The following TAOK3 variants were observed in gnomAD, a reference collection of about 807,000 sequenced individuals.
The protein encoded by TAOK3 is serine/threonine-protein kinase TAO3.
A neutral mutation model predicts 120.4 loss-of-function variants in TAOK3; 40 were observed. That is an observed-to-expected ratio of 0.33 (90% CI 0.26 to 0.43). TAOK3 has a LOEUF of 0.43. Among genes scored for constraint, TAOK3 ranks in the 20% least tolerant of loss-of-function variants. The probability of loss-of-function intolerance (pLI) is 1.00; values close to 1 mark genes in which losing one functional copy is unlikely to be tolerated. For synonymous variants in TAOK3, 355 were observed against 387.5 expected, an observed-to-expected ratio of 0.92 and a Z score of 0.99; for missense variants, 821 against 1,112.1, an observed-to-expected ratio of 0.74 and a Z score of 3.72.
chr12:118,352,706 T>C (rs892895633), intron 1 of TAOK3, among the ~76,000 whole-genome samples: 2 of 152,112 alleles, frequency 1.3e-5, no homozygotes, highest in Non-Finnish European at 2.9e-5. Context: ...CCAGGGTTAC[T>C]GATCTTATCT....
At position 118,288,932 on chromosome 12, in the gene TAOK3, A is replaced by AAAG. The variant is rs1445926067; in HGVS notation, c.-193-22174_-193-22173insCTT. ...CTCTATCTCAAAAAAAAAAAAAAAA[A>AAAG]AAAGAAAGAAAGAAAAAGAAAGATA... On this transcript the variant is annotated intron_variant, in intron 1 of 20. Transcript: ENST00000392533. 5.1e-4 allele frequency among the ~76,000 whole-genome samples: 76 copies of AAAG among 149,826 alleles called. No individual in the cohort carries two copies. In the East Asian group the frequency reaches 9.0e-3, roughly 18 times the overall value.
chr12:118,284,182 T>C (rs1439773752), intron 1 of TAOK3, among the ~76,000 whole-genome samples: 3 of 152,172 alleles, frequency 2.0e-5, no homozygotes, highest in African/African-American at 7.2e-5. Context: ...ATTTTCTACA[T>C]TGAACATGTA....
intron 1 of TAOK3, among the ~76,000 whole-genome samples, chr12:118,340,544 T>G (rs2141116353): frequency 6.6e-6 from 1 of 152,326 alleles, no homozygotes; most frequent in Admixed American, 6.5e-5. Context: ...TAAATCATTT[T>G]TATAAACCTC....
chr12:118,309,004 A>G (rs1216407870), intron 1 of TAOK3, among the ~76,000 whole-genome samples: 1 of 150,952 alleles, frequency 6.6e-6, no homozygotes, highest in Non-Finnish European at 1.5e-5. Context: ...TTAGTTCTTA[A>G]AACATTTTCT....
chr12:118,338,543 T>C (rs1432040663), intron 1 of TAOK3, among the ~76,000 whole-genome samples: 2 of 151,974 alleles, frequency 1.3e-5, no homozygotes, highest in African/African-American at 4.8e-5. Context: ...ATCCCAGCAC[T>C]TTGGGAGGCC....
intron 9 of TAOK3, among the ~76,000 whole-genome samples, chr12:118,219,770 CTTTTTTTTTT>C (rs35568926): frequency 1.7e-5 from 1 of 58,836 alleles, no homozygotes; most frequent in Non-Finnish European, 2.9e-5. Context: ...ACTTTTTTGG[CTTTTTTTTTT>C]TTTTTTTTTT....
At chr12:118,331,243 T>C (rs879697782) in intron 1 of TAOK3, among the ~76,000 whole-genome samples, 11 of 151,812 alleles carry the variant, frequency 7.2e-5, no homozygotes, top group Non-Finnish European at 8.8e-5. Flanking sequence ...CAGCATGGAG[T>C]CCCAGAAAAT....
chr12:118,212,818 A>G lies in TAOK3; in HGVS notation c.819+96T>C, dbSNP rs1476946557. ...ATGACAAGGCAGCACGTCCTAAACC[A>G]CTTTGTCATGATGAGCTGCCACAGG... On this transcript the variant is annotated intron_variant, in intron 11 of 20. Coordinates refer to ENST00000392533, the MANE Select transcript of TAOK3 (RefSeq NM_016281.4). 3 of 834,908 alleles carry G rather than the reference A, an allele frequency of 3.6e-6. No individual in the cohort carries two copies. The Admixed American group carries it at 8.2e-5, about 23-fold the overall frequency. 51.7% of individuals were successfully genotyped at this position (834,908 alleles called of 1,614,324 possible). A position where few individuals can be genotyped will look rare whatever the true frequency, so the allele number is the denominator to read the frequency against.
At chr12:118,210,458 T>G (rs1565951919) in intron 11 of TAOK3, among the ~76,000 whole-genome samples, 1 of 152,086 alleles carries the variant, frequency 6.6e-6, no homozygotes, top group Non-Finnish European at 1.5e-5. Context: ...AGTCAGTTGG[T>G]TTTTCCACCC....
chr12:118,229,550 T>G (rs1030402910), intron 9 of TAOK3, among the ~76,000 whole-genome samples: 9 of 152,186 alleles, frequency 5.9e-5, no homozygotes, highest in Non-Finnish European at 1.2e-4. Flanking sequence ...TTTAAAGTAG[T>G]AAAAGTTATG....
At chr12:118,166,463 G>A (rs928094308) in intron 17 of TAOK3, among the ~76,000 whole-genome samples, 1 of 151,792 alleles carries the variant, frequency 6.6e-6, no homozygotes, top group Non-Finnish European at 1.5e-5. Flanking sequence ...ACTTGAACTC[G>A]GGAGGCGGAG....
At chr12:118,335,793 C>T (rs1240579286) in intron 1 of TAOK3, among the ~76,000 whole-genome samples, 1 of 152,176 alleles carries the variant, frequency 6.6e-6, no homozygotes, top group Non-Finnish European at 1.5e-5. Context: ...GGTGCCACTG[C>T]ACTCCAGTCT....
At chr12:118,192,748 C>T (rs2037498389) in intron 13 of TAOK3, among the ~76,000 whole-genome samples, 1 of 152,172 alleles carries the variant, frequency 6.6e-6, no homozygotes, top group Admixed American at 6.5e-5. Flanking sequence ...ACCACTATAC[C>T]TGGCTCCCAG....
intron 16 of TAOK3, among the ~76,000 whole-genome samples, chr12:118,173,956 A>C (rs1218815585): frequency 6.6e-6 from 1 of 152,220 alleles, no homozygotes; most frequent in African/African-American, 2.4e-5. Context: ...GTGAAGCTGT[A>C]AGTGAAATCT....
chr12:118,154,593 C>A (rs1293502264), intron 19 of TAOK3, among the ~76,000 whole-genome samples: 3 of 152,004 alleles, frequency 2.0e-5, no homozygotes, highest in South Asian at 2.1e-4. Context: ...GTAAGTGCCA[C>A]CAGGCCCAGC....
intron 1 of TAOK3, among the ~76,000 whole-genome samples, chr12:118,349,327 C>A (rs972288266): frequency 6.6e-6 from 1 of 152,264 alleles, no homozygotes; most frequent in South Asian, 2.1e-4. Context: ...GTCACAGAAA[C>A]ATTATTAATA....
At chr12:118,158,822 C>T (rs1217779947) in intron 19 of TAOK3, among the ~76,000 whole-genome samples, 2 of 152,210 alleles carry the variant, frequency 1.3e-5, no homozygotes, top group Non-Finnish European at 2.9e-5. Flanking sequence ...GGCTCTGACC[C>T]TGACTATCCT....
intron 17 of TAOK3, among the ~76,000 whole-genome samples, chr12:118,163,516 A>G (rs1000823866): frequency 1.3e-5 from 2 of 151,162 alleles, no homozygotes; most frequent in Admixed American, 6.6e-5. Context: ...CCTGGACTCA[A>G]GTGATCCTCC....
At chr12:118,296,975 CTT>C (rs1373608261) in intron 1 of TAOK3, 1 of 152,194 alleles carries the variant, frequency 6.6e-6, no homozygotes, top group Non-Finnish European at 1.5e-5. Flanking sequence ...GACATGAACT[CTT>C]TCCTTTGCCT....
Sources: gnomAD v4.1 joint callset for allele counts (sites outside exome capture counted in the v4.1 genomes callset) on GRCh38, gnomAD v4.1.1 for gene constraint, MANE v1.5 for transcripts, NCBI Gene and HGNC (gene_info 2026-07-23, HGNC 2026-07-21) for gene names.